Variants in RPTOR observed in about 807,000 individuals in gnomAD.
RPTOR encodes the protein regulatory-associated protein of mTOR.
A neutral mutation model predicts 169.9 loss-of-function variants in RPTOR; 21 were observed. That is an observed-to-expected ratio of 0.12 (90% CI 0.09 to 0.18). The LOEUF is 0.18. Ranked by LOEUF, RPTOR falls within the 10% of genes least tolerant of loss-of-function variation. The pLI is 1.00. For missense variants in RPTOR, 1,133 were observed against 1,855.9 expected (o/e 0.61, Z 7.16); for synonymous variants, 732 against 753.2 (o/e 0.97, Z 0.46).
intron 1 of RPTOR, among the ~76,000 whole-genome samples, chr17:80,610,175 C>T (rs1421823749): frequency 6.6e-6 from 1 of 151,948 alleles, no homozygotes; most frequent in African/African-American, 2.4e-5. Context: ...CCTCCTCTTT[C>T]TCTTCCTCCT....
chr17:80,711,933 G>A (rs1349713720), intron 4 of RPTOR, among the ~76,000 whole-genome samples: 3 of 151,702 alleles, frequency 2.0e-5, no homozygotes, highest in East Asian at 3.9e-4. Flanking sequence ...CAGTAGAGAC[G>A]GGGTTTCACC....
rs2067702258 is a variant in RPTOR, at chr17:80,844,280, C to T, written c.1213-2193C>T. ...CGCGCACCTGCCAGGCAAAGGTGTG[C>T]TTTTCCTTTTTTGTCAGTTTGAGGT... is the stretch of plus-strand genomic sequence containing the variant. On this transcript the variant is annotated intron_variant, in intron 10 of 33. Transcript: ENST00000306801. The surrounding 1 kb of genome is among the most constrained non-coding windows in gnomAD (Gnocchi z 4.7). 1.3e-5 allele frequency among the ~76,000 whole-genome samples: 2 copies of T among 152,186 alleles called. No homozygotes were observed. The highest frequency in any genetic ancestry group is 2.9e-5 in the Non-Finnish European group (2 of 68,040).
intron 25 of RPTOR, among the ~76,000 whole-genome samples, chr17:80,943,557 A>G (rs1290178467): frequency 6.6e-6 from 1 of 151,988 alleles, no homozygotes; most frequent in Admixed American, 6.6e-5. Context: ...AAGGGCGCCA[A>G]CTTCTGTGGC....
intron 3 of RPTOR, among the ~76,000 whole-genome samples, chr17:80,652,332 G>A (rs12601247): frequency 0.25 from 38,082 of 152,090 alleles, 5,215 homozygotes; most frequent in Middle Eastern, 0.32. Context: ...CCAGGCCCAG[G>A]CAGTCACCAG....
chr17:80,894,642 T>C (rs7503014), intron 20 of RPTOR, among the ~76,000 whole-genome samples: 126,198 of 152,012 alleles, frequency 0.83, 52,703 homozygotes, highest in African/African-American at 0.92. Context: ...CTTAACCAAA[T>C]GAGCCTCATC....
chr17:80,868,426 C>T (rs2068016606), intron 13 of RPTOR, among the ~76,000 whole-genome samples: 1 of 152,162 alleles, frequency 6.6e-6, no homozygotes, highest in Non-Finnish European at 1.5e-5. Flanking sequence ...ACTGCACCCA[C>T]AGTCATATAC....
At chr17:80,550,855 C>T (rs916793513) in intron 1 of RPTOR, among the ~76,000 whole-genome samples, 9 of 152,134 alleles carry the variant, frequency 5.9e-5, no homozygotes, top group African/African-American at 2.2e-4. Context: ...TCCATTCTTG[C>T]CCTACAACCA....
rs762153071 is a variant in RPTOR at position 80,878,087 on chromosome 17, C to T, written c.1510-2328C>T. ...AGCCGTTCTCTTCTTGATCCTCAGG[C>T]ATCCAGTTCTTAAAATTCCGGCCCT... On this transcript the variant is annotated intron_variant, in intron 13 of 33. Coordinates refer to ENST00000306801, the MANE Select transcript of RPTOR (RefSeq NM_020761.3). This position sits in a 1 kb window ranked among gnomAD's most constrained non-coding sequence, Gnocchi z 4.1. Among the ~76,000 whole-genome samples the T allele has an allele frequency of 7.2e-5, 11 of 152,324 alleles. No individual in the cohort carries two copies. Among genetic ancestry groups the T allele is most frequent in the Non-Finnish European group, 1.2e-4 (8 of 68,028 alleles).
At chr17:80,867,779 AAAG>A (rs2068010005) in intron 13 of RPTOR, among the ~76,000 whole-genome samples, 1 of 152,246 alleles carries the variant, frequency 6.6e-6, no homozygotes, top group African/African-American at 2.4e-5. Context: ...CACTAAAAAA[AAAG>A]AAATACTTAG....
intron 20 of RPTOR, among the ~76,000 whole-genome samples, chr17:80,907,119 G>A (rs1022498014): frequency 1.3e-5 from 2 of 152,222 alleles, no homozygotes; most frequent in African/African-American, 4.8e-5. Flanking sequence ...CTCCACGTGC[G>A]CAGCTGTGTT....
chr17:80,616,298 C>CTTTTTTTTTTTTTT (rs201229448), intron 1 of RPTOR, among the ~76,000 whole-genome samples: 7 of 113,272 alleles, frequency 6.2e-5, no homozygotes, highest in East Asian at 3.0e-4. Context: ...AATTGAAAAT[C>CTTTTTTTTTTTTTT]TTTTTTTTTT....
intron 3 of RPTOR, among the ~76,000 whole-genome samples, chr17:80,686,551 A>T (rs1329283236): frequency 1.3e-5 from 2 of 152,084 alleles, no homozygotes; most frequent in Non-Finnish European, 2.9e-5. Context: ...GTAAATTTAC[A>T]GTATTTGCCT....
chr17:80,830,860 C>G (rs562699474), intron 9 of RPTOR, among the ~76,000 whole-genome samples: 58 of 151,864 alleles, frequency 3.8e-4, no homozygotes, highest in Non-Finnish European at 5.3e-4. Context: ...AAGCAATCCT[C>G]TCACGTCAGA....
intron 4 of RPTOR, among the ~76,000 whole-genome samples, chr17:80,716,550 C>A (rs1467838431): frequency 6.6e-6 from 1 of 152,046 alleles, no homozygotes; most frequent in African/African-American, 2.4e-5. Context: ...TTCCTTTTGC[C>A]GTGCAAAAGG....
intron 9 of RPTOR, among the ~76,000 whole-genome samples, chr17:80,831,289 G>A (rs1418660132): frequency 4.6e-5 from 7 of 152,088 alleles, no homozygotes; most frequent in East Asian, 1.9e-4. Context: ...CATTCCCCAC[G>A]GAGGCTGAGA....
intron 32 of RPTOR, 108 bp downstream of exon 32, chr17:80,962,685 A>G: frequency 8.8e-7 from 1 of 1,139,008 alleles, no homozygotes; most frequent in Non-Finnish European, 1.3e-6. Context: ...AGGGCAGGGG[A>G]GGATTTCACT....
intron 3 of RPTOR, among the ~76,000 whole-genome samples, chr17:80,678,288 G>C (rs530058560): frequency 6.6e-6 from 1 of 152,324 alleles, no homozygotes; most frequent in South Asian, 2.1e-4. Context: ...AATCAGCAGG[G>C]GAAATTTAGT....
In RPTOR at chr17:80,744,798, GC is replaced by G. The variant is rs1226973650; in HGVS notation, c.655-9211del. On this transcript the variant is annotated intron_variant, in intron 5 of 33. Transcript: ENST00000306801. ...TGTCCTGGCTACTAGCACAGCCCTG[GC>G]TACTAGCACTGTCCTGGCTACTAGC... is the stretch of plus-strand genomic sequence containing the variant. Among the ~76,000 whole-genome samples the G allele has an allele frequency of 3.7e-4, 37 of 99,522 alleles. 2 individuals are homozygous for G. Among genetic ancestry groups the G allele is most frequent in the East Asian group, 1.1e-3 (5 of 4,440 alleles). 65.3% of individuals were successfully genotyped at this position (99,522 alleles called of 152,430 possible).
At chr17:80,563,186 C>G (rs886919491) in intron 1 of RPTOR, among the ~76,000 whole-genome samples, 4 of 151,712 alleles carry the variant, frequency 2.6e-5, no homozygotes, top group Admixed American at 2.0e-4. Flanking sequence ...TTTACTGGGT[C>G]AGCAGGCATG....
Sources: gnomAD v4.1 joint callset for allele counts (sites outside exome capture counted in the v4.1 genomes callset) on GRCh38, gnomAD v4.1.1 for gene constraint, Gnocchi (gnomAD v3.1) non-coding constraint, MANE v1.5 for transcripts, NCBI Gene and HGNC (gene_info 2026-07-23, HGNC 2026-07-21) for gene names.